Variants in AFF2 observed in about 807,000 individuals in gnomAD.
AFF2 encodes ALF transcription elongation factor 2, also known as AF4/FMR2 family member 2.
Under a neutral mutation model 76.9 loss-of-function variants are expected in AFF2, and 14 were observed. The ratio of observed to expected loss-of-function variants is 0.18; its 90% CI spans 0.12 to 0.28. The LOEUF (loss-of-function observed/expected upper bound fraction) is 0.28. AFF2 is among the 10% of genes least tolerant of loss of function. The pLI is 1.00. For synonymous variants in AFF2, 398 were observed against 366.7 expected (o/e 1.09, Z -0.98); for missense variants, 868 against 1,001.1 (o/e 0.87, Z 1.79).
In AFF2 at chrX:148,500,673, CGCCGCCGCCGCT is replaced by C. The variant is rs1186553278; in HGVS notation, c.-418_-407del. The stretch of plus-strand genomic sequence containing the variant: ...CCGCCGCCGCCGCCGCCGCCGCCGC[CGCCGCCGCCGCT>C]GCCGCCCCGGCTGCCGCGCCGCGCC... On this transcript the variant is annotated 5_prime_UTR_variant, in exon 1 of 21. Coordinates refer to ENST00000370460, the MANE Select transcript of AFF2 (RefSeq NM_002025.4). 8.3e-5 allele frequency: 8 copies of C among 96,804 alleles called. No homozygotes were observed. The highest frequency in any genetic ancestry group is 1.5e-4 in the Non-Finnish European group (7 of 47,651). 8.0% of individuals were successfully genotyped at this position (96,804 alleles called of 1,213,427 possible). A position where few individuals can be genotyped will look rare whatever the true frequency, so the allele number is the denominator to read the frequency against.
intron 8 of AFF2, among the ~76,000 whole-genome samples, chrX:148,903,188 G>A (rs1296120321): frequency 3.6e-5 from 4 of 111,328 alleles, no homozygotes; most frequent in Non-Finnish European, 7.5e-5. Flanking sequence ...CTGCTTCAAT[G>A]CTCTTTTTAT....
chrX:148,921,403 G>A (rs1389433813), intron 9 of AFF2, among the ~76,000 whole-genome samples: 1 of 112,285 alleles, frequency 8.9e-6, no homozygotes, highest in Non-Finnish European at 1.9e-5. Context: ...CCGTTAAGCA[G>A]TCACTCCTCA....
Position 148,997,154 on chromosome X carries a change from G to A in AFF2, c.*5822G>A, listed in dbSNP as rs1461106683. On this transcript the variant is annotated 3_prime_UTR_variant, in exon 21 of 21. Coordinates refer to ENST00000370460, the MANE Select transcript of AFF2 (RefSeq NM_002025.4). ...TCTGAACTCAAACCAGAATATCTCTGTATCAATTGCATGACTATTCAGAAA... is the reference window on the plus strand; with the variant it reads ...TCTGAACTCAAACCAGAATATCTCTATATCAATTGCATGACTATTCAGAAA... 8.9e-6 allele frequency: 1 copy of A among 111,805 alleles called. No individual in the cohort carries two copies. Among genetic ancestry groups the A allele is most frequent in the South Asian group, 3.8e-4 (1 of 2,655 alleles). The allele number at this position is 111,805 out of a possible 1,213,427, so 9.2% of individuals were successfully genotyped here.
At chrX:148,711,866 T>C (rs969795345) in intron 3 of AFF2, among the ~76,000 whole-genome samples, 3 of 112,342 alleles carry the variant, frequency 2.7e-5, no homozygotes, top group African/African-American at 9.7e-5. Flanking sequence ...TAGAGAAATA[T>C]GTTCTACATT....
At chrX:148,765,851 C>T in intron 3 of AFF2, among the ~76,000 whole-genome samples, 1 of 65,151 alleles carries the variant, frequency 1.5e-5, no homozygotes, top group East Asian at 6.5e-4. Flanking sequence ...CTATCCCTCC[C>T]CCCTCCCCCC....
At chrX:148,613,430 C>T (rs183283449) in intron 1 of AFF2, among the ~76,000 whole-genome samples, 1 of 111,709 alleles carries the variant, frequency 9.0e-6, no homozygotes, top group East Asian at 2.8e-4. Flanking sequence ...ACGGATTGAT[C>T]TTCTTTGATT....
At chrX:148,977,504 TA>T (rs782657378) in intron 16 of AFF2, among the ~76,000 whole-genome samples, 48 of 110,824 alleles carry the variant, frequency 4.3e-4, no homozygotes, top group Non-Finnish European at 8.1e-4. Flanking sequence ...ATTATTTACC[TA>T]ATCTGTCATA....
rs1260948089 is a variant in AFF2 at position 148,897,257 on chromosome X, ATATATATATATATATG to A, written c.1360-6958_1360-6943del. ...TATATATATATATATATATATATAT[ATATATATATATATATG>A]TATATGAAAAATATATATATCCATA... On this transcript the variant is annotated intron_variant, in intron 8 of 20. Coordinates refer to ENST00000370460, the MANE Select transcript of AFF2 (RefSeq NM_002025.4). 5.2e-3 allele frequency among the ~76,000 whole-genome samples: 217 copies of A among 41,399 alleles called. 10 individuals are homozygous for A. The highest frequency in any genetic ancestry group is 0.016 in the African/African-American group (146 of 9,346). The allele number at this position is 41,399 out of a possible 115,157, so 36.0% of individuals were successfully genotyped here. A position where few individuals can be genotyped will look rare whatever the true frequency, so the allele number is the denominator to read the frequency against.
intron 7 of AFF2, among the ~76,000 whole-genome samples, chrX:148,883,386 C>T (rs1244119052): frequency 2.7e-5 from 3 of 111,547 alleles, no homozygotes; most frequent in Non-Finnish European, 5.6e-5. Context: ...TGGTGCCCCG[C>T]ATTATTAGTT....
chrX:148,511,855 G>T (rs781824915), intron 1 of AFF2, among the ~76,000 whole-genome samples: 1 of 112,306 alleles, frequency 8.9e-6, no homozygotes, highest in East Asian at 2.8e-4. Flanking sequence ...AGAGTTTGTT[G>T]GGTACCTTCA....
At chrX:148,986,961 G>C (rs936762498) in intron 19 of AFF2, among the ~76,000 whole-genome samples, 5 of 111,524 alleles carry the variant, frequency 4.5e-5, no homozygotes. Context: ...GGTGTGCATG[G>C]AGCCCTCGGT....
At chrX:148,962,973 T>C (rs2072129512) in intron 13 of AFF2, 36 bp downstream of exon 13, 1 of 991,644 alleles carries the variant, frequency 1.0e-6, no homozygotes, top group African/African-American at 1.9e-5. Flanking sequence ...TATTGTCAGG[T>C]AGAAACAAGT....
intron 3 of AFF2, among the ~76,000 whole-genome samples, chrX:148,727,185 A>G (rs1557264318): frequency 9.0e-6 from 1 of 111,332 alleles, no homozygotes; most frequent in African/African-American, 3.3e-5. Context: ...CTAAATTAAG[A>G]TGGACAAATT....
At chrX:148,804,382 T>C (rs1360307175) in intron 3 of AFF2, among the ~76,000 whole-genome samples, 1 of 111,974 alleles carries the variant, frequency 8.9e-6, no homozygotes, top group Non-Finnish European at 1.9e-5. Context: ...CACAGTAAAT[T>C]ATCTCATTCA....
chrX:148,902,502 A>G (rs1353909748), intron 8 of AFF2, among the ~76,000 whole-genome samples: 1 of 112,013 alleles, frequency 8.9e-6, no homozygotes, highest in African/African-American at 3.2e-5. Context: ...GTGAGTGTGC[A>G]TGTATGTACA....
rs782048782 is a variant in AFF2, at chrX:148,991,707, A to G, written c.*375A>G. 8.5e-6 allele frequency: 1 copy of G among 118,189 alleles called. No homozygotes were observed. Among genetic ancestry groups the G allele is most frequent in the East Asian group, 2.6e-4 (1 of 3,890 alleles). The allele number at this position is 118,189 out of a possible 1,213,427, so 9.7% of individuals were successfully genotyped here. A position where few individuals can be genotyped will look rare whatever the true frequency, so the allele number is the denominator to read the frequency against. On this transcript the variant is annotated 3_prime_UTR_variant, in exon 21 of 21. Transcript: ENST00000370460. ...TGAGAAATGCAACAAGTGGTCTTAC[A>G]TATACATGAGAACTTAGACACAAGG...
chrX:148,666,811 G>T (rs2054365632), intron 3 of AFF2, among the ~76,000 whole-genome samples: 2 of 111,197 alleles, frequency 1.8e-5, no homozygotes, highest in Admixed American at 1.9e-4. Context: ...ATTAGGAAAT[G>T]AATTTGTTAA....
At chrX:148,834,987 A>G (rs782499671) in intron 4 of AFF2, among the ~76,000 whole-genome samples, 175 of 112,267 alleles carry the variant, frequency 1.6e-3, no homozygotes, top group African/African-American at 5.3e-3. Context: ...ACATTTTCAA[A>G]TACAGTTTGA....
intron 12 of AFF2, among the ~76,000 whole-genome samples, chrX:148,961,660 A>G (rs1419038853): frequency 1.8e-5 from 2 of 112,229 alleles, no homozygotes; most frequent in African/African-American, 6.5e-5. Context: ...GACCACTTGA[A>G]TGCTTGTTCA....
Sources: gnomAD v4.1 joint callset for allele counts (sites outside exome capture counted in the v4.1 genomes callset) on GRCh38, gnomAD v4.1.1 for gene constraint, MANE v1.5 for transcripts, NCBI Gene and HGNC (gene_info 2026-07-23, HGNC 2026-07-21) for gene names.